Variants in PIK3CB observed in about 807,000 individuals in gnomAD.
PIK3CB encodes the protein phosphatidylinositol 4,5-bisphosphate 3-kinase catalytic subunit beta isoform.
In PIK3CB, 39 loss-of-function variants were observed where a neutral mutation model predicts 136.8. That is an observed-to-expected ratio of 0.29 (90% CI 0.22 to 0.37). The LOEUF is 0.37. Among genes scored for constraint, PIK3CB ranks in the 10% least tolerant of loss-of-function variants. The pLI, the probability that PIK3CB is intolerant of heterozygous loss-of-function variation, is 1.00. For synonymous variants in PIK3CB, 428 were observed against 436.6 expected, an observed-to-expected ratio of 0.98 and a Z score of 0.25; for missense variants, 868 against 1,275.4, an observed-to-expected ratio of 0.68 and a Z score of 4.87.
Position 138,688,126 on chromosome 3 carries a change from G to A in PIK3CB, c.2136+749C>T, listed in dbSNP as rs1162098819. On this transcript the variant is annotated intron_variant, in intron 16 of 23. Transcript: ENST00000674063. ...ATCCTAAATATTAAAAACACCTAAT[G>A]GAAGCCTATGAGAGTTCTTCTGGCA... Among the ~76,000 whole-genome samples, 7 of 152,216 alleles carry A rather than the reference G, an allele frequency of 4.6e-5. No homozygotes were observed. The East Asian group carries it at 1.4e-3, about 29-fold the overall frequency.
intron 10 of PIK3CB, among the ~76,000 whole-genome samples, chr3:138,711,444 T>A (rs963103499): frequency 1.3e-5 from 2 of 151,766 alleles, no homozygotes; most frequent in African/African-American, 4.8e-5. Flanking sequence ...CTGGACGTGG[T>A]GGCACATGCC....
At position 138,737,678 on chromosome 3, in the gene PIK3CB, T is replaced by A. The variant is rs552127925; in HGVS notation, c.801+29A>T. On this transcript the variant is annotated intron_variant, in intron 6 of 23. Transcript: ENST00000674063. ...ATATATATATATACTCATAGACTTT[T>A]CTGGTAAATTAATAGTTAATATACA... 138 of 1,186,684 alleles carry A rather than the reference T, an allele frequency of 1.2e-4. No homozygotes were observed. The Middle Eastern group carries it at 2.9e-3, about 25-fold the overall frequency. The allele number at this position is 1,186,684 out of a possible 1,614,324, so 73.5% of individuals were successfully genotyped here.
At chr3:138,829,084 G>A (rs1164271557) in intron 1 of PIK3CB, among the ~76,000 whole-genome samples, 8 of 151,458 alleles carry the variant, frequency 5.3e-5, no homozygotes, top group African/African-American at 2.4e-5. Context: ...TTACAAGCGT[G>A]AGCCTCCGTG....
At chr3:138,827,684 A>G (rs1933843577) in intron 1 of PIK3CB, among the ~76,000 whole-genome samples, 1 of 151,796 alleles carries the variant, frequency 6.6e-6, no homozygotes, top group Admixed American at 6.6e-5. Flanking sequence ...GTCTCTTCAA[A>G]AACAAAACAA....
intron 19 of PIK3CB, among the ~76,000 whole-genome samples, chr3:138,680,906 G>A (rs536120706): frequency 2.1e-4 from 31 of 150,068 alleles, no homozygotes; most frequent in East Asian, 8.0e-4. Flanking sequence ...CAGGCTGGTC[G>A]TGAACTCGGG....
intron 4 of PIK3CB, among the ~76,000 whole-genome samples, chr3:138,754,165 T>C (rs1164232766): frequency 4.6e-5 from 7 of 152,048 alleles, no homozygotes; most frequent in African/African-American, 1.7e-4. Context: ...TTAAATTCTA[T>C]AAAAATATTT....
At chr3:138,788,964 C>CAAAAAAAAAAAAAAAAAAAAA (rs57432821) in intron 2 of PIK3CB, among the ~76,000 whole-genome samples, 6 of 89,482 alleles carry the variant, frequency 6.7e-5, no homozygotes, top group African/African-American at 2.8e-4. Flanking sequence ...GACTTCGTCT[C>CAAAAAAAAAAAAAAAAAAAAA]AAAAAAAAAA....
At chr3:138,824,900 A>T (rs1933714165) in intron 1 of PIK3CB, among the ~76,000 whole-genome samples, 2 of 151,146 alleles carry the variant, frequency 1.3e-5, no homozygotes, top group Admixed American at 6.6e-5. Context: ...ACCAAAAAAA[A>T]AAAAAAAAAA....
chr3:138,683,679 A>G lies in PIK3CB; in HGVS notation c.2424T>C (p.Asp808=), dbSNP rs749653744. The G allele has an allele frequency of 2.1e-6, 3 of 1,443,962 alleles. No homozygotes were observed. Among genetic ancestry groups the G allele is most frequent in the Non-Finnish European group, 2.9e-6 (3 of 1,025,850 alleles). 89.4% of individuals were successfully genotyped at this position (1,443,962 alleles called of 1,614,324 possible). ...GATGTTAAAAATCTCAGTACTTACC[A>G]TCACCATTTTTAAAAATCACTCCAA... The part of the protein sequence containing the change: ...DSVGVIFKNG[D]DLRQDMLTLQ... The change falls in exon 18 of 24, where the codon GAT becomes GAC. Residue 808 remains aspartate (D), a splice_region_variant and synonymous_variant. Coordinates refer to ENST00000674063, the MANE Select transcript of PIK3CB (RefSeq NM_006219.3).
At chr3:138,679,549 G>A (rs140473598) in intron 19 of PIK3CB, among the ~76,000 whole-genome samples, 90 of 151,792 alleles carry the variant, frequency 5.9e-4, no homozygotes, top group African/African-American at 1.9e-3. Flanking sequence ...TATTATGAAA[G>A]TACATAAATA....
intron 14 of PIK3CB, among the ~76,000 whole-genome samples, chr3:138,694,243 G>C (rs1437727120): frequency 6.6e-6 from 1 of 151,780 alleles, no homozygotes; most frequent in Non-Finnish European, 1.5e-5. Flanking sequence ...CTTTACTGCT[G>C]GGAGTATAGA....
intron 22 of PIK3CB, among the ~76,000 whole-genome samples, chr3:138,656,780 T>G (rs2043198978): frequency 6.6e-6 from 1 of 151,718 alleles, no homozygotes; most frequent in Non-Finnish European, 1.5e-5. Context: ...CATCCAATGT[T>G]TTTTTTTTGA....
chr3:138,665,016 A>G lies in PIK3CB; in HGVS notation c.2672+20T>C. 1 of 1,547,546 alleles carries G rather than the reference A, an allele frequency of 6.5e-7. No individual in the cohort carries two copies. The highest frequency in any genetic ancestry group is 2.3e-5 in the East Asian group (1 of 43,632). ...TGGCTGTTTGTACAGAAAAATGATA[A>G]TTAAACAGAATAAACTAACCCAGAG... On this transcript the variant is annotated intron_variant, in intron 20 of 23. Transcript: ENST00000674063.
At chr3:138,802,219 CA>C (rs71146143) in intron 1 of PIK3CB, among the ~76,000 whole-genome samples, 133,208 of 141,414 alleles carry the variant, frequency 0.94, 62,980 homozygotes, top group East Asian at 0.99. Context: ...ACTAAAAATA[CA>C]AAAAAAAAAA....
At chr3:138,707,125 T>C (rs1340118435) in intron 11 of PIK3CB, 34 bp downstream of exon 11, 1 of 1,212,918 alleles carries the variant, frequency 8.2e-7, no homozygotes. Context: ...TTCAATCATT[T>C]CATGCATAGA....
At chr3:138,804,016 T>C (rs1016518142) in intron 1 of PIK3CB, among the ~76,000 whole-genome samples, 2 of 151,886 alleles carry the variant, frequency 1.3e-5, no homozygotes, top group African/African-American at 4.8e-5. Flanking sequence ...GATAAGAAAA[T>C]AGGTATAGAA....
Position 138,655,514 on chromosome 3 carries a change from A to G in PIK3CB, c.3088T>C (p.Leu1030=). 1 of 1,610,600 alleles carries G rather than the reference A, an allele frequency of 6.2e-7. No homozygotes were observed. The highest frequency in any genetic ancestry group is 8.5e-7 in the Non-Finnish European group (1 of 1,176,860). Residue 1030 remains leucine, a synonymous_variant, in exon 24 of 24, where the codon TTA becomes CTA. Transcript: ENST00000674063. ...DIQYLKDSLA[L]GKSEEEALKQ... ...AGTGCTTCTTCTTCACTCTTCCCTA[A>G]TGCAAGAGAGTCCTAAAATGGAAGG...
At chr3:138,724,491 T>TG (rs2044796014) in intron 8 of PIK3CB, among the ~76,000 whole-genome samples, 1 of 152,124 alleles carries the variant, frequency 6.6e-6, no homozygotes, top group African/African-American at 2.4e-5. Context: ...ATTAAGTCAT[T>TG]GGCCACTGTT....
intron 2 of PIK3CB, among the ~76,000 whole-genome samples, chr3:138,761,859 G>C (rs548696718): frequency 2.6e-4 from 40 of 151,890 alleles, no homozygotes; most frequent in Non-Finnish European, 5.1e-4. Flanking sequence ...AGAATCACTT[G>C]AACCAGGAAG....
Sources: gnomAD v4.1 joint callset for allele counts (sites outside exome capture counted in the v4.1 genomes callset) on GRCh38, gnomAD v4.1.1 for gene constraint, MANE v1.5 for transcripts, NCBI Gene and HGNC (gene_info 2026-07-23, HGNC 2026-07-21) for gene names.